Variants in SLC35F1 observed in about 807,000 individuals in gnomAD.
The protein encoded by SLC35F1 is chromosome 6 open reading frame 169.
A neutral mutation model predicts 48.7 loss-of-function variants in SLC35F1; 14 were observed. The observed-to-expected ratio is 0.29, with a 90% CI of 0.19 to 0.45. SLC35F1 has a LOEUF of 0.45. SLC35F1 is among the 20% of genes least tolerant of loss of function. The pLI is 1.00. For missense variants in SLC35F1, 404 were observed against 500.0 expected (o/e 0.81, Z 1.83); for synonymous variants, 190 against 202.2 (o/e 0.94, Z 0.51).
At chr6:118,209,341 G>A (rs1582730862) in intron 2 of SLC35F1, among the ~76,000 whole-genome samples, 1 of 152,022 alleles carries the variant, frequency 6.6e-6, no homozygotes, top group East Asian at 1.9e-4. Context: ...CCTTTTGATG[G>A]GTGTGGAAAG....
intron 1 of SLC35F1, among the ~76,000 whole-genome samples, chr6:117,960,636 C>T (rs1189218977): frequency 6.6e-6 from 1 of 152,050 alleles, no homozygotes; most frequent in African/African-American, 2.4e-5. Flanking sequence ...AGCGATTTAT[C>T]TGGTATATCC....
intron 3 of SLC35F1, among the ~76,000 whole-genome samples, chr6:118,261,349 C>A (rs1328886250): frequency 2.0e-5 from 3 of 152,142 alleles, no homozygotes; most frequent in Admixed American, 6.5e-5. Flanking sequence ...ATGCTTACTG[C>A]AAAATGGCCA....
At chr6:118,043,383 G>GA (rs1368705790) in intron 1 of SLC35F1, among the ~76,000 whole-genome samples, 1 of 151,816 alleles carries the variant, frequency 6.6e-6, no homozygotes, top group African/African-American at 2.4e-5. Context: ...CTGTCACAGA[G>GA]AAGAGTTTTG....
At chr6:117,979,466 A>G (rs1029273713) in intron 1 of SLC35F1, among the ~76,000 whole-genome samples, 1 of 152,198 alleles carries the variant, frequency 6.6e-6, no homozygotes, top group Non-Finnish European at 1.5e-5. Context: ...CCTTTTTCCA[A>G]CAGAAGTAGA....
At chr6:118,064,052 CA>C in intron 1 of SLC35F1, among the ~76,000 whole-genome samples, 1 of 152,276 alleles carries the variant, frequency 6.6e-6, no homozygotes, top group South Asian at 2.1e-4. Flanking sequence ...AACAGTTTCA[CA>C]TGGCTGGGGA....
intron 1 of SLC35F1, among the ~76,000 whole-genome samples, chr6:118,003,224 T>C (rs1177225056): frequency 6.6e-6 from 1 of 152,230 alleles, no homozygotes; most frequent in East Asian, 1.9e-4. Flanking sequence ...TCTTTTGCTG[T>C]GGCATGGCTG....
At chr6:118,110,652 TCC>T (rs1277386355) in intron 1 of SLC35F1, among the ~76,000 whole-genome samples, 1 of 152,190 alleles carries the variant, frequency 6.6e-6, no homozygotes. Flanking sequence ...TGAAATATCC[TCC>T]AATGCCTTTG....
chr6:117,994,213 C>A (rs1270979493), intron 1 of SLC35F1, among the ~76,000 whole-genome samples: 1 of 151,066 alleles, frequency 6.6e-6, no homozygotes, highest in African/African-American at 2.4e-5. Context: ...CCCCCCCCAT[C>A]CTCAACAGCA....
At chr6:117,959,123 A>G (rs1274455150) in intron 1 of SLC35F1, among the ~76,000 whole-genome samples, 1 of 152,204 alleles carries the variant, frequency 6.6e-6, no homozygotes, top group Non-Finnish European at 1.5e-5. Flanking sequence ...TTATAAAATG[A>G]GGATATTCAA....
At chr6:118,054,832 A>G (rs1003819752) in intron 1 of SLC35F1, among the ~76,000 whole-genome samples, 1 of 151,822 alleles carries the variant, frequency 6.6e-6, no homozygotes, top group African/African-American at 2.4e-5. Flanking sequence ...GGGTGGAGGC[A>G]GTGGCGCGAT....
At chr6:118,170,042 G>T (rs1215605418) in intron 2 of SLC35F1, among the ~76,000 whole-genome samples, 2 of 152,152 alleles carry the variant, frequency 1.3e-5, no homozygotes, top group Admixed American at 6.6e-5. Flanking sequence ...AGTTGCCTTG[G>T]ATTTCAGAGT....
At chr6:118,271,713 C>A (rs1322991126) in intron 4 of SLC35F1, among the ~76,000 whole-genome samples, 1 of 152,108 alleles carries the variant, frequency 6.6e-6, no homozygotes, top group Admixed American at 6.6e-5. Context: ...AAACAAAAAT[C>A]GGATAAGGAA....
chr6:118,306,404 T>C (rs1380225960), intron 7 of SLC35F1, among the ~76,000 whole-genome samples: 1 of 152,240 alleles, frequency 6.6e-6, no homozygotes, highest in East Asian at 1.9e-4. Context: ...GTTGAGCTGC[T>C]ACACTACCAC....
At chr6:118,245,457 T>C (rs529074220) in intron 3 of SLC35F1, among the ~76,000 whole-genome samples, 3 of 152,134 alleles carry the variant, frequency 2.0e-5, no homozygotes, top group African/African-American at 7.2e-5. Flanking sequence ...TGGCTAGTAG[T>C]TGGATGTGCA....
intron 1 of SLC35F1, among the ~76,000 whole-genome samples, chr6:118,144,856 T>C (rs1464976206): frequency 6.6e-6 from 1 of 152,190 alleles, no homozygotes; most frequent in African/African-American, 2.4e-5. Context: ...TTTCTTGTTT[T>C]TCTTTTTCAA....
chr6:118,036,987 G>A (rs1420656306), intron 1 of SLC35F1, among the ~76,000 whole-genome samples: 1 of 151,994 alleles, frequency 6.6e-6, no homozygotes, highest in African/African-American at 2.4e-5. Flanking sequence ...ATATTTGAGG[G>A]TCTATTATCA....
intron 1 of SLC35F1, among the ~76,000 whole-genome samples, chr6:118,066,473 G>C (rs1422240534): frequency 1.3e-5 from 2 of 152,136 alleles, no homozygotes; most frequent in Non-Finnish European, 2.9e-5. Context: ...ACCTAAATGA[G>C]CTTGGAAGTA....
At chr6:118,124,624 C>A (rs967339814) in intron 1 of SLC35F1, among the ~76,000 whole-genome samples, 3 of 152,120 alleles carry the variant, frequency 2.0e-5, no homozygotes, top group Admixed American at 2.0e-4. Context: ...GCTGACAAGA[C>A]CTGCATTGGA....
At chr6:117,940,849 A>G (rs1254054200) in intron 1 of SLC35F1, among the ~76,000 whole-genome samples, 3 of 152,122 alleles carry the variant, frequency 2.0e-5, no homozygotes, top group Admixed American at 2.0e-4. Flanking sequence ...GAGTTTTGCC[A>G]TGTTGCCAAG....
Sources: gnomAD v4.1 joint callset for allele counts (sites outside exome capture counted in the v4.1 genomes callset) on GRCh38, gnomAD v4.1.1 for gene constraint, MANE v1.5 for transcripts, NCBI Gene and HGNC (gene_info 2026-07-23, HGNC 2026-07-21) for gene names.